The following TRABD2B variants were observed in gnomAD, a reference collection of about 807,000 sequenced individuals.
TRABD2B encodes TraB domain containing 2B.
TRABD2B carries 14 observed loss-of-function variants against 40.1 expected under a neutral mutation model. The observed-to-expected ratio is 0.35, with a 90% confidence interval of 0.23 to 0.55. The LOEUF is 0.55. Among genes scored for constraint, TRABD2B ranks in the 20% least tolerant of loss-of-function variants. The pLI is 0.90. For missense variants in TRABD2B, 541 were observed against 648.6 expected, an observed-to-expected ratio of 0.83 and a Z score of 1.80; for synonymous variants, 263 against 277.0, an observed-to-expected ratio of 0.95 and a Z score of 0.50.
chr1:47,970,826 G>C (rs1645671209), intron 2 of TRABD2B, among the ~76,000 whole-genome samples: 1 of 152,148 alleles, frequency 6.6e-6, no homozygotes, highest in Admixed American at 6.5e-5. Context: ...TGATGGCAGA[G>C]GCACGAGAGG....
chr1:47,849,732 T>G (rs1645521539), intron 2 of TRABD2B, among the ~76,000 whole-genome samples: 1 of 152,156 alleles, frequency 6.6e-6, no homozygotes, highest in South Asian at 2.1e-4. Flanking sequence ...AGTGAGGGGA[T>G]GGGGTGCGGG....
intron 4 of TRABD2B, among the ~76,000 whole-genome samples, chr1:47,784,498 T>C (rs1159048830): frequency 5.3e-5 from 8 of 152,184 alleles, no homozygotes; most frequent in Non-Finnish European, 1.2e-4. Context: ...TCAGCACACA[T>C]GTTTTCTCTC....
chr1:47,910,967 C>G (rs1357769925), intron 2 of TRABD2B, among the ~76,000 whole-genome samples: 1 of 152,148 alleles, frequency 6.6e-6, no homozygotes, highest in Non-Finnish European at 1.5e-5. Flanking sequence ...TCTCCTTGCC[C>G]AAGGCTGGAA....
At position 47,895,385 on chromosome 1, in the gene TRABD2B, T is replaced by C. The variant is rs150504568; in HGVS notation, c.667-93766A>G. On this transcript the variant is annotated intron_variant, in intron 2 of 6. Coordinates refer to ENST00000606738, the MANE Select transcript of TRABD2B (RefSeq NM_001194986.2). ...TTGCTCTGCTGAGCGGAGGGAAGCATGTACACTTCCAAGTTCAACAACCTT... is the reference window on the plus strand; with the variant it reads ...TTGCTCTGCTGAGCGGAGGGAAGCACGTACACTTCCAAGTTCAACAACCTT... Among the ~76,000 whole-genome samples the C allele has an allele frequency of 3.0e-3, 459 of 152,254 alleles. 2 individuals are homozygous for C. The highest frequency in any genetic ancestry group is 0.011 in the African/African-American group (442 of 41,560).
At position 47,996,980 on chromosome 1, in the gene TRABD2B, T is replaced by C. The variant is rs1646102726; in HGVS notation, c.-191A>G. On this transcript the variant is annotated 5_prime_UTR_variant, in exon 1 of 7. Coordinates refer to ENST00000606738, the MANE Select transcript of TRABD2B (RefSeq NM_001194986.2). This position sits in a 1 kb window ranked among gnomAD's most constrained non-coding sequence, Gnocchi z 4.6. ...TTTCTCTGGGGCCGGGCTCCGTCTG[T>C]TGGAAGAGGGAGACCCTCTAGGGCT... 9.1e-7 allele frequency: 1 copy of C among 1,098,756 alleles called. No individual in the cohort carries two copies. 68.1% of individuals were successfully genotyped at this position (1,098,756 alleles called of 1,614,324 possible).
rs1646065322 is a variant in TRABD2B, at chr1:47,994,679, G to A, written c.103-82C>T. On this transcript the variant is annotated intron_variant, in intron 1 of 6. Coordinates refer to ENST00000606738, the MANE Select transcript of TRABD2B (RefSeq NM_001194986.2). The surrounding 1 kb of genome is among the most constrained non-coding windows in gnomAD (Gnocchi z 6.7). ...GGGTAGCCCAGAGGCACGTTGCAGA[G>A]GGAGGTGGGGATGGGAGGCAGAGAC... 7.8e-7 allele frequency: 1 copy of A among 1,286,762 alleles called. No individual in the cohort carries two copies. The highest frequency in any genetic ancestry group is 1.5e-5 in the African/African-American group (1 of 67,792). The allele number at this position is 1,286,762 out of a possible 1,614,324, so 79.7% of individuals were successfully genotyped here.
chr1:47,859,254 G>A (rs1449041236), intron 2 of TRABD2B, among the ~76,000 whole-genome samples: 2 of 152,040 alleles, frequency 1.3e-5, no homozygotes, highest in Non-Finnish European at 2.9e-5. Flanking sequence ...CATCTGGCCT[G>A]CTCCTCCCAC....
chr1:47,915,405 T>C (rs1237848313), intron 2 of TRABD2B, among the ~76,000 whole-genome samples: 1 of 152,172 alleles, frequency 6.6e-6, no homozygotes, highest in African/African-American at 2.4e-5. Flanking sequence ...GACTTACACT[T>C]AACAAGTGTA....
At chr1:47,966,870 A>C (rs1645610847) in intron 2 of TRABD2B, among the ~76,000 whole-genome samples, 1 of 150,510 alleles carries the variant, frequency 6.6e-6, no homozygotes, top group East Asian at 1.9e-4. Context: ...ACACCACTGC[A>C]CCACAGACTG....
chr1:47,961,137 G>A (rs1348546935), intron 2 of TRABD2B, among the ~76,000 whole-genome samples: 3 of 152,202 alleles, frequency 2.0e-5, no homozygotes, highest in Non-Finnish European at 2.9e-5. Context: ...AATAAATGGT[G>A]CTGGGAAAAC....
chr1:47,974,665 C>T (rs915955969), intron 2 of TRABD2B, among the ~76,000 whole-genome samples: 21 of 152,198 alleles, frequency 1.4e-4, no homozygotes, highest in Non-Finnish European at 2.2e-4. Flanking sequence ...GCCTTCAAAA[C>T]GCACTTGTTA....
At chr1:47,831,995 C>A (rs1043259534) in intron 2 of TRABD2B, among the ~76,000 whole-genome samples, 3 of 152,208 alleles carry the variant, frequency 2.0e-5, no homozygotes, top group Admixed American at 1.3e-4. Flanking sequence ...GTTTTATGAT[C>A]ACTGGTGTCT....
intron 4 of TRABD2B, among the ~76,000 whole-genome samples, chr1:47,780,721 A>G (rs56288914): frequency 0.45 from 68,556 of 151,942 alleles, 16,088 homozygotes; most frequent in East Asian, 0.58. Flanking sequence ...AGTAGGGGGA[A>G]CAGCATGTGC....
At chr1:47,867,336 A>C (rs528983724) in intron 2 of TRABD2B, among the ~76,000 whole-genome samples, 11 of 152,326 alleles carry the variant, frequency 7.2e-5, no homozygotes, top group African/African-American at 2.4e-4. Context: ...AAACTGATAA[A>C]AATGCAACAA....
chr1:47,796,768 T>C (rs545203149), intron 3 of TRABD2B, among the ~76,000 whole-genome samples: 2 of 152,288 alleles, frequency 1.3e-5, no homozygotes, highest in East Asian at 3.9e-4. Context: ...GAGTTGGCAA[T>C]GGAATTCTTA....
chr1:47,804,487 G>A (rs1191672925), intron 2 of TRABD2B, among the ~76,000 whole-genome samples: 3 of 152,138 alleles, frequency 2.0e-5, no homozygotes, highest in Non-Finnish European at 4.4e-5. Flanking sequence ...CTTGTTTCTC[G>A]GCGTCGGCTT....
chr1:47,922,120 C>G (rs571347164), intron 2 of TRABD2B, among the ~76,000 whole-genome samples: 1 of 152,160 alleles, frequency 6.6e-6, no homozygotes, highest in South Asian at 2.1e-4. Context: ...CTCTGTTTAG[C>G]CAGCGGGATG....
intron 2 of TRABD2B, among the ~76,000 whole-genome samples, chr1:47,805,790 G>C (rs1240366448): frequency 6.6e-6 from 1 of 151,872 alleles, no homozygotes; most frequent in Non-Finnish European, 1.5e-5. Context: ...GCAACTCTGA[G>C]GTAACTCTAT....
chr1:47,977,068 C>CT (rs749710731), intron 2 of TRABD2B, among the ~76,000 whole-genome samples: 3,489 of 136,604 alleles, frequency 0.026, 98 homozygotes, highest in Admixed American at 0.084. Flanking sequence ...AGGTTTAGTC[C>CT]TTTTTTTTTT....
Sources: gnomAD v4.1 joint callset for allele counts (sites outside exome capture counted in the v4.1 genomes callset) on GRCh38, gnomAD v4.1.1 for gene constraint, Gnocchi (gnomAD v3.1) non-coding constraint, MANE v1.5 for transcripts, NCBI Gene and HGNC (gene_info 2026-07-23, HGNC 2026-07-21) for gene names.